TULP4: variants seen among roughly 807,000 people sequenced by gnomAD.
TULP4 encodes TUB like protein 4.
Under a neutral mutation model 129.0 loss-of-function variants are expected in TULP4, and 16 were observed. The observed-to-expected ratio is 0.12, with a 90% confidence interval of 0.08 to 0.19. The LOEUF is 0.19. Among genes scored for constraint, TULP4 ranks in the 10% least tolerant of loss-of-function variants. TULP4 has a pLI of 1.00. For synonymous variants in TULP4, 998 were observed against 854.0 expected (o/e 1.17, Z -2.94); for missense variants, 1,842 against 2,059.1 (o/e 0.89, Z 2.04).
intron 7 of TULP4, among the ~76,000 whole-genome samples, chr6:158,480,524 G>T (rs1181102703): frequency 6.6e-6 from 1 of 152,234 alleles, no homozygotes; most frequent in African/African-American, 2.4e-5. Context: ...AACTCTAGAA[G>T]GTAGCATGTA....
intron 1 of TULP4, among the ~76,000 whole-genome samples, chr6:158,320,159 C>T (rs771705376): frequency 6.6e-6 from 1 of 152,166 alleles, no homozygotes; most frequent in Non-Finnish European, 1.5e-5. Flanking sequence ...AAGGGGGACT[C>T]TTCGTGGCTG....
chr6:158,381,163 T>TG (rs1309992921), intron 1 of TULP4, among the ~76,000 whole-genome samples: 2 of 151,294 alleles, frequency 1.3e-5, no homozygotes, highest in Admixed American at 1.3e-4. Flanking sequence ...TATGGTTGTT[T>TG]TTTTTTTTAA....
At chr6:158,443,942 G>A (rs548249442) in intron 3 of TULP4, among the ~76,000 whole-genome samples, 5 of 152,130 alleles carry the variant, frequency 3.3e-5, no homozygotes, top group Admixed American at 6.5e-5. Context: ...TTTTTTGGCC[G>A]GGTGCGGTGG....
At chr6:158,488,385 A>C (rs934422460) in intron 8 of TULP4, among the ~76,000 whole-genome samples, 6 of 152,178 alleles carry the variant, frequency 3.9e-5, no homozygotes, top group Non-Finnish European at 7.3e-5. Flanking sequence ...CACAAATACC[A>C]CTGTGGCTTC....
chr6:158,482,160 C>T (rs564592404), intron 8 of TULP4, among the ~76,000 whole-genome samples: 28 of 152,330 alleles, frequency 1.8e-4, no homozygotes, highest in Middle Eastern at 3.4e-3. Context: ...TGCTTCCTCT[C>T]GCCACTTCCT....
intron 1 of TULP4, among the ~76,000 whole-genome samples, chr6:158,334,102 G>A (rs1251860742): frequency 6.6e-6 from 1 of 152,202 alleles, no homozygotes; most frequent in Non-Finnish European, 1.5e-5. Context: ...ACAGTAAAAA[G>A]TGCCCTCTCA....
intron 1 of TULP4, among the ~76,000 whole-genome samples, chr6:158,274,854 T>G (rs1778615031): frequency 1.3e-5 from 2 of 152,228 alleles, no homozygotes; most frequent in South Asian, 4.1e-4. Context: ...CCCTTTCTGT[T>G]GCCTACAGGC....
At chr6:158,307,246 C>T (rs1476984132) in intron 1 of TULP4, among the ~76,000 whole-genome samples, 2 of 152,052 alleles carry the variant, frequency 1.3e-5, no homozygotes, top group Non-Finnish European at 2.9e-5. Flanking sequence ...TGCAATATGT[C>T]GTTTTTGTTG....
chr6:158,293,057 C>G (rs1272909496), intron 1 of TULP4, among the ~76,000 whole-genome samples: 3 of 151,460 alleles, frequency 2.0e-5, no homozygotes, highest in Non-Finnish European at 3.0e-5. Context: ...TAAGAAGTAG[C>G]TAACTTCCAC....
intron 2 of TULP4, among the ~76,000 whole-genome samples, chr6:158,425,283 G>T (rs184356062): frequency 1.3e-5 from 2 of 151,908 alleles, no homozygotes; most frequent in African/African-American, 4.8e-5. Context: ...GGAAGCCGAG[G>T]AGGGCCGATC....
intron 3 of TULP4, among the ~76,000 whole-genome samples, chr6:158,435,443 C>T (rs1047838025): frequency 4.6e-5 from 7 of 152,182 alleles, no homozygotes; most frequent in Admixed American, 1.3e-4. Flanking sequence ...CATCCAGGCA[C>T]GTCCTTTCTG....
intron 1 of TULP4, among the ~76,000 whole-genome samples, chr6:158,377,637 C>T (rs1777222196): frequency 6.6e-6 from 1 of 152,196 alleles, no homozygotes; most frequent in African/African-American, 2.4e-5. Context: ...CATGATAGGG[C>T]TCCTGCCTTT....
At chr6:158,468,914 G>A (rs1779612611) in intron 6 of TULP4, among the ~76,000 whole-genome samples, 1 of 152,156 alleles carries the variant, frequency 6.6e-6, no homozygotes, top group African/African-American at 2.4e-5. Flanking sequence ...TGAGGGTGGA[G>A]GCCTTATGAC....
chr6:158,444,346 A>G (rs2115114992), intron 3 of TULP4, among the ~76,000 whole-genome samples: 1 of 135,968 alleles, frequency 7.4e-6, no homozygotes, highest in Non-Finnish European at 1.5e-5. Flanking sequence ...TCATTTCTCT[A>G]TCTGCAGCTA....
chr6:158,350,555 T>C (rs1780489578), intron 1 of TULP4, among the ~76,000 whole-genome samples: 1 of 151,658 alleles, frequency 6.6e-6, no homozygotes, highest in Non-Finnish European at 1.5e-5. Context: ...CAAAACCCCG[T>C]CTCCACCAAA....
chr6:158,289,561 A>C (rs563990398), intron 1 of TULP4, among the ~76,000 whole-genome samples: 1 of 152,102 alleles, frequency 6.6e-6, no homozygotes. Flanking sequence ...CTTTTATAAC[A>C]TAAGTTGTTG....
chr6:158,502,994 G>A lies in TULP4; in HGVS notation c.3331G>A (p.Glu1111Lys), dbSNP rs1780500690. ...GCCCTTGAGGCACCCTCCCCTGCCT[G>A]AAGCTGCTGTCACCCTGAAACGGCC... ...EKPLRHPPLP[E>K]AAVTLKRPPP... The change falls in exon 13 of 14, where the codon GAA becomes AAA. Residue 1111 changes from glutamate (E) to lysine (K), a missense_variant. Physicochemically the swap from Glu to Lys is moderately conservative, Grantham distance 56 (BLOSUM62 1). Coordinates refer to ENST00000367097, the MANE Select transcript of TULP4 (RefSeq NM_020245.5). 2.5e-6 allele frequency: 4 copies of A among 1,613,952 alleles called. No individual in the cohort carries two copies. The highest frequency in any genetic ancestry group is 2.5e-6 in the Non-Finnish European group (3 of 1,180,008).
At chr6:158,277,925 C>T (rs1778675664), upstream of TULP4, among the ~76,000 whole-genome samples, 1 of 152,176 alleles carries the variant, frequency 6.6e-6, no homozygotes, top group African/African-American at 2.4e-5. Flanking sequence ...AACTCTGTTT[C>T]CTTCACTCAG....
At chr6:158,454,483 T>A (rs1779247146) in intron 5 of TULP4, among the ~76,000 whole-genome samples, 1 of 151,332 alleles carries the variant, frequency 6.6e-6, no homozygotes, top group African/African-American at 2.4e-5. Context: ...GAACATAATA[T>A]AATTACCACT....
Sources: gnomAD v4.1 joint callset for allele counts (sites outside exome capture counted in the v4.1 genomes callset) on GRCh38, gnomAD v4.1.1 for gene constraint, MANE v1.5 for transcripts, NCBI Gene and HGNC (gene_info 2026-07-23, HGNC 2026-07-21) for gene names.